The following RNF125 variants were observed in gnomAD, a reference collection of about 807,000 sequenced individuals.
RNF125 encodes the protein ring finger protein 125, also known as E3 ubiquitin-protein ligase RNF125.
RNF125 carries 21 observed loss-of-function variants against 26.0 expected under a neutral mutation model. That is an observed-to-expected ratio of 0.81 (90% CI 0.57 to 1.16). The LOEUF (loss-of-function observed/expected upper bound fraction) is 1.16. Among genes scored for constraint, RNF125 ranks in the 50% most tolerant of loss-of-function variants. RNF125 has a pLI of 0.00. For synonymous variants in RNF125, 95 were observed against 109.2 expected, an observed-to-expected ratio of 0.87 and a Z score of 0.81; for missense variants, 270 against 299.4, an observed-to-expected ratio of 0.90 and a Z score of 0.72.
downstream of RNF125, among the ~76,000 whole-genome samples, chr18:32,076,889 C>T (rs1320856575): frequency 3.3e-5 from 5 of 152,160 alleles, no homozygotes; most frequent in Non-Finnish European, 5.9e-5. Flanking sequence ...GTCATCTTCT[C>T]ATAAAGGAAT....
intron 2 of RNF125, 153 bp from the exon 3 acceptor site, chr18:32,042,025 CT>C (rs2039225618): frequency 3.2e-6 from 2 of 629,120 alleles, no homozygotes; most frequent in East Asian, 5.7e-5. Context: ...TTGATAATGC[CT>C]TAATTTTTGG....
Position 32,037,154 on chromosome 18 carries a change from A to T in RNF125, c.203A>T (p.Asn68Ile). 6.2e-7 allele frequency: 1 copy of T among 1,606,804 alleles called. No homozygotes were observed. Among genetic ancestry groups the T allele is most frequent in the East Asian group, 2.2e-5 (1 of 44,458 alleles). The change falls in exon 2 of 6, where the codon AAC becomes ATC. Residue 68 changes from asparagine (N) to isoleucine (I), a missense_variant. Transcript: ENST00000217740. ...RSCIATSLKN[N>I]KWTCPYCRAY... ...TGTATTGCTACCAGTCTAAAGAACA[A>T]CAAGTGGACCTGTCCTTATTGCCGG...
chr18:32,019,064 A>G, intron 1 of RNF125, 37 bp downstream of exon 1: 1 of 1,600,328 alleles, frequency 6.2e-7, no homozygotes, highest in Non-Finnish European at 8.5e-7. Context: ...GCCCACCCCT[A>G]AGGAGGGCGA....
At chr18:32,026,941 GTACAAC>G (rs1206551546) in intron 1 of RNF125, among the ~76,000 whole-genome samples, 1 of 152,186 alleles carries the variant, frequency 6.6e-6, no homozygotes, top group Non-Finnish European at 1.5e-5. Flanking sequence ...CGCAAATGGG[GTACAAC>G]CCACATTTTT....
At chr18:32,087,423 G>A in the RNF125 span, among the ~76,000 whole-genome samples, 1 of 151,798 alleles carries the variant, frequency 6.6e-6, no homozygotes, top group African/African-American at 2.4e-5. Context: ...GGTGTCTGGG[G>A]GTATGGAAGC....
At chr18:32,074,698 A>G (rs2039557895), downstream of RNF125, among the ~76,000 whole-genome samples, 1 of 152,098 alleles carries the variant, frequency 6.6e-6, no homozygotes, top group South Asian at 2.1e-4. Context: ...ATGCACCACC[A>G]TGCCCAGCTA....
Position 32,072,194 on chromosome 18 carries a change from C to T in RNF125, c.*3810C>T, listed in dbSNP as rs1416172469. ...CCAGCCTGGGCAACAGAGCAAGACC[C>T]TGTCTCCAAAAACATAAATAATTAA... On this transcript the variant is annotated 3_prime_UTR_variant, in exon 6 of 6. Coordinates refer to ENST00000217740, the MANE Select transcript of RNF125 (RefSeq NM_017831.4). 6.6e-6 allele frequency: 1 copy of T among 152,056 alleles called. No individual in the cohort carries two copies. Among genetic ancestry groups the T allele is most frequent in the Non-Finnish European group, 1.5e-5 (1 of 68,034 alleles). The allele number at this position is 152,056 out of a possible 1,614,324, so 9.4% of individuals were successfully genotyped here. A position where few individuals can be genotyped will look rare whatever the true frequency, so the allele number is the denominator to read the frequency against.
chr18:32,032,005 T>G (rs2039101844), intron 1 of RNF125, among the ~76,000 whole-genome samples: 1 of 152,040 alleles, frequency 6.6e-6, no homozygotes, highest in Non-Finnish European at 1.5e-5. Context: ...GTTCAAGTGA[T>G]TCTCCTGCCT....
intron 4 of RNF125, among the ~76,000 whole-genome samples, chr18:32,050,383 A>G (rs1236790729): frequency 8.5e-5 from 13 of 152,154 alleles, no homozygotes. Flanking sequence ...GCAGTGGTGC[A>G]GTAATAGCTC....
chr18:32,044,434 CT>C (rs2144481814), intron 3 of RNF125, among the ~76,000 whole-genome samples: 1 of 152,312 alleles, frequency 6.6e-6, no homozygotes, highest in Admixed American at 6.5e-5. Flanking sequence ...ATATTATCAT[CT>C]GAACGTGTAA....
chr18:32,053,920 A>G lies in RNF125; in HGVS notation c.504+8188A>G, dbSNP rs559943325. Among the ~76,000 whole-genome samples, 77 of 152,000 alleles carry G rather than the reference A, an allele frequency of 5.1e-4. No individual in the cohort carries two copies. In the South Asian group the frequency reaches 0.016, roughly 31 times the overall value. On this transcript the variant is annotated intron_variant, in intron 4 of 5. Transcript: ENST00000217740. ...GAAAGACTAGGGGGGGAGACAGGGTATTTGACTCCATGTATCCATGAAGCA... is the reference window on the plus strand; with the variant it reads ...GAAAGACTAGGGGGGGAGACAGGGTGTTTGACTCCATGTATCCATGAAGCA...
At chr18:32,039,721 C>T (rs1022124852) in intron 2 of RNF125, among the ~76,000 whole-genome samples, 2 of 151,772 alleles carry the variant, frequency 1.3e-5, no homozygotes, top group African/African-American at 4.8e-5. Context: ...ATCCACCACT[C>T]CCCCTCCCCC....
chr18:32,039,777 CT>C (rs1337442183), intron 2 of RNF125, among the ~76,000 whole-genome samples: 148 of 123,380 alleles, frequency 1.2e-3, no homozygotes, highest in African/African-American at 2.1e-3. Flanking sequence ...CTTTGAGATA[CT>C]TTTTTTTTTT....
At chr18:32,041,232 C>T (rs1181286938) in intron 2 of RNF125, among the ~76,000 whole-genome samples, 2 of 152,102 alleles carry the variant, frequency 1.3e-5, no homozygotes, top group African/African-American at 4.8e-5. Context: ...AACAAGGGCT[C>T]TTTATTCTGC....
At chr18:32,081,062 T>C in the RNF125 span, among the ~76,000 whole-genome samples, 2 of 151,740 alleles carry the variant, frequency 1.3e-5, no homozygotes, top group Non-Finnish European at 2.9e-5. Context: ...GGCGCAGGTC[T>C]GTAAGCCTAT....
At chr18:32,039,954 A>G (rs1164197720) in intron 2 of RNF125, among the ~76,000 whole-genome samples, 2 of 151,480 alleles carry the variant, frequency 1.3e-5, no homozygotes, top group East Asian at 3.9e-4. Context: ...TAATTTTTGT[A>G]TTTTAGTAGA....
At chr18:32,027,289 C>A (rs967591205) in intron 1 of RNF125, among the ~76,000 whole-genome samples, 4 of 148,922 alleles carry the variant, frequency 2.7e-5, no homozygotes, top group African/African-American at 4.9e-5. Flanking sequence ...AATTTGAGTA[C>A]AAAGGATTTT....
chr18:32,052,673 G>A (rs1598821126), intron 4 of RNF125, among the ~76,000 whole-genome samples: 1 of 152,210 alleles, frequency 6.6e-6, no homozygotes, highest in East Asian at 1.9e-4. Context: ...AATCAGCTGA[G>A]TTGCTGTGGA....
At chr18:32,086,507 A>G in the RNF125 span, among the ~76,000 whole-genome samples, 1 of 151,046 alleles carries the variant, frequency 6.6e-6, no homozygotes, top group Non-Finnish European at 1.5e-5. Flanking sequence ...GTGAGCCACC[A>G]CACCATGCTA....
Sources: gnomAD v4.1 joint callset for allele counts (sites outside exome capture counted in the v4.1 genomes callset) on GRCh38, gnomAD v4.1.1 for gene constraint, MANE v1.5 for transcripts, NCBI Gene and HGNC (gene_info 2026-07-23, HGNC 2026-07-21) for gene names.